PLXNA4: variants seen among roughly 807,000 people sequenced by gnomAD.
PLXNA4 encodes plexin A4.
In PLXNA4, 44 loss-of-function variants were observed where a neutral mutation model predicts 191.8. The ratio of observed to expected loss-of-function variants is 0.23; its 90% CI spans 0.18 to 0.29. The LOEUF (loss-of-function observed/expected upper bound fraction) is 0.29, where lower values mean the gene tolerates loss of function less well. PLXNA4 is among the 10% of genes least tolerant of loss of function. The pLI is 1.00. For missense variants in PLXNA4, 1,800 were observed against 2,488.8 expected (o/e 0.72, Z 5.89); for synonymous variants, 1,082 against 1,009.5 (o/e 1.07, Z -1.36).
chr7:132,588,192 C>A (rs1802535961), intron 2 of PLXNA4, among the ~76,000 whole-genome samples: 1 of 152,118 alleles, frequency 6.6e-6, no homozygotes. Context: ...GACTGTGAAC[C>A]TGGAGGCTGG....
chr7:132,409,826 T>TA (rs1563083099), intron 3 of PLXNA4, among the ~76,000 whole-genome samples: 1 of 152,178 alleles, frequency 6.6e-6, no homozygotes, highest in Non-Finnish European at 1.5e-5. Flanking sequence ...ACCTCCCCTG[T>TA]AGTCCCAACA....
intron 3 of PLXNA4, among the ~76,000 whole-genome samples, chr7:132,466,155 G>A (rs1295318080): frequency 6.6e-6 from 1 of 152,176 alleles, no homozygotes; most frequent in Non-Finnish European, 1.5e-5. Flanking sequence ...GGCTCTGAAA[G>A]ATCTTAGAGC....
At chr7:132,501,506 G>A (rs1038814644) in intron 2 of PLXNA4, among the ~76,000 whole-genome samples, 3 of 152,090 alleles carry the variant, frequency 2.0e-5, no homozygotes, top group Non-Finnish European at 4.4e-5. Context: ...TGGCCTCCAG[G>A]GTGGGCATCC....
intron 24 of PLXNA4, among the ~76,000 whole-genome samples, chr7:132,163,303 C>CTAGT (rs1429818031): frequency 1.3e-5 from 2 of 152,218 alleles, no homozygotes; most frequent in Non-Finnish European, 2.9e-5. Flanking sequence ...TGACCAAGCA[C>CTAGT]TAGTGCATGA....
At chr7:132,576,761 G>A (rs1241733287), upstream of PLXNA4, 2 of 235,796 alleles carry the variant, frequency 8.5e-6, no homozygotes, top group Non-Finnish European at 1.4e-5. The surrounding 1 kb of genome is among the most constrained non-coding windows in gnomAD (Gnocchi z 5.8). Flanking sequence ...CAGCGGCGGC[G>A]GCTCTCGGGG....
At chr7:132,200,437 C>A (rs1454018323) in intron 12 of PLXNA4, among the ~76,000 whole-genome samples, 2 of 152,158 alleles carry the variant, frequency 1.3e-5, no homozygotes, top group African/African-American at 4.8e-5. Flanking sequence ...AGAAGAGGTC[C>A]ACCTGTCCTC....
At chr7:132,197,013 T>G (rs1369368895) in intron 13 of PLXNA4, among the ~76,000 whole-genome samples, 2 of 152,210 alleles carry the variant, frequency 1.3e-5, no homozygotes, top group Non-Finnish European at 2.9e-5. Context: ...CATTCACATT[T>G]TTATTTTGCT....
intron 3 of PLXNA4, among the ~76,000 whole-genome samples, chr7:132,471,423 C>T (rs556489372): frequency 6.6e-6 from 1 of 152,292 alleles, no homozygotes; most frequent in East Asian, 1.9e-4. Flanking sequence ...AATACACTGC[C>T]CGTTCCTGGT....
intron 2 of PLXNA4, among the ~76,000 whole-genome samples, chr7:132,627,181 A>T (rs1415866467): frequency 1.3e-5 from 2 of 152,232 alleles, no homozygotes; most frequent in Non-Finnish European, 2.9e-5. Flanking sequence ...TTCCTTCCCA[A>T]CACCCATCCC....
At chr7:132,259,417 C>T (rs1220336861) in intron 4 of PLXNA4, among the ~76,000 whole-genome samples, 1 of 76,700 alleles carries the variant, frequency 1.3e-5, no homozygotes, top group Non-Finnish European at 2.5e-5. Context: ...GCCTGGGCAA[C>T]AAGAGCAAAA....
upstream of PLXNA4, among the ~76,000 whole-genome samples, chr7:132,580,129 T>G (rs1191292389): frequency 6.6e-6 from 1 of 152,158 alleles, no homozygotes; most frequent in African/African-American, 2.4e-5. Context: ...TAATGTGCTT[T>G]GAAACTCTAA....
chr7:132,555,921 G>A (rs781036663), intron 1 of PLXNA4, among the ~76,000 whole-genome samples: 7 of 152,174 alleles, frequency 4.6e-5, no homozygotes, highest in East Asian at 3.9e-4. Flanking sequence ...AAGCAGTGTC[G>A]AATATGCATA....
At chr7:132,436,903 A>G (rs1191353449) in intron 3 of PLXNA4, among the ~76,000 whole-genome samples, 1 of 152,148 alleles carries the variant, frequency 6.6e-6, no homozygotes, top group Non-Finnish European at 1.5e-5. Context: ...GGGCTCCAGG[A>G]CACTTGTACT....
At chr7:132,202,427 T>C (rs1163179041) in intron 12 of PLXNA4, among the ~76,000 whole-genome samples, 2 of 152,096 alleles carry the variant, frequency 1.3e-5, no homozygotes, top group African/African-American at 4.8e-5. Flanking sequence ...GGGCCCCTCA[T>C]TGAGGATAGT....
chr7:132,564,262 C>T (rs1801602983), intron 1 of PLXNA4, among the ~76,000 whole-genome samples: 1 of 138,144 alleles, frequency 7.2e-6, no homozygotes, highest in East Asian at 2.3e-4. Flanking sequence ...GCTTCTCCTC[C>T]TCCTCTCCTT....
At position 132,497,122 on chromosome 7, in the gene PLXNA4, G is replaced by A. The variant is rs59132136; in HGVS notation, c.1189-7648C>T. Among the ~76,000 whole-genome samples the A allele has an allele frequency of 7.5e-4, 113 of 150,232 alleles. 1 individual carries two copies. Among genetic ancestry groups the A allele is most frequent in the East Asian group, 4.1e-3 (21 of 5,122 alleles). Reference sequence around the variant, plus strand: ...CACTTATGCACACTTGTGCACGCACGCACACACACACACACACACACATAC... The same window carrying A: ...CACTTATGCACACTTGTGCACGCACACACACACACACACACACACACATAC... On this transcript the variant is annotated intron_variant, in intron 2 of 31. Transcript: ENST00000321063.
At chr7:132,417,302 T>C (rs1794693598) in intron 3 of PLXNA4, among the ~76,000 whole-genome samples, 1 of 152,196 alleles carries the variant, frequency 6.6e-6, no homozygotes, top group African/African-American at 2.4e-5. Flanking sequence ...CACATTATTG[T>C]CACCATGGCC....
At chr7:132,470,516 C>A (rs1165613591) in intron 3 of PLXNA4, among the ~76,000 whole-genome samples, 5 of 152,166 alleles carry the variant, frequency 3.3e-5, no homozygotes, top group Non-Finnish European at 7.3e-5. Context: ...GCCCCCTCCC[C>A]AAAGATGTCC....
At chr7:132,165,111 A>G (rs755580382) in intron 23 of PLXNA4, 23 bp downstream of exon 23, 1 of 1,610,426 alleles carries the variant, frequency 6.2e-7, no homozygotes, top group South Asian at 1.1e-5. Context: ...CAAGGCCAGA[A>G]ATACGTCCAC....
Sources: allele counts gnomAD v4.1 joint callset (sites outside exome capture counted in the v4.1 genomes callset), GRCh38; gene constraint gnomAD v4.1.1; non-coding constraint Gnocchi (gnomAD v3.1); transcripts MANE v1.5; gene names NCBI Gene and HGNC (gene_info 2026-07-23, HGNC 2026-07-21).